The following ST7L variants were observed in gnomAD, a reference collection of about 807,000 sequenced individuals.
The protein encoded by ST7L is suppression of tumorigenicity 7 like.
A neutral mutation model predicts 72.5 loss-of-function variants in ST7L; 57 were observed. That is an observed-to-expected ratio of 0.79 (90% CI 0.64 to 0.98). The LOEUF is 0.98. Among genes scored for constraint, ST7L ranks in the 50% least tolerant of loss-of-function variants. ST7L has a pLI of 0.00. For missense variants in ST7L, 576 were observed against 672.2 expected (o/e 0.86, Z 1.58); for synonymous variants, 221 against 240.9 (o/e 0.92, Z 0.77).
At chr1:112,568,863 T>TATAAATAAATAA (rs562909633) in intron 11 of ST7L, among the ~76,000 whole-genome samples, 84 of 83,316 alleles carry the variant, frequency 1.0e-3, no homozygotes, top group Non-Finnish European at 1.8e-3. Flanking sequence ...TAAATATAAA[T>TATAAATAAATAA]ATATATATAT....
chr1:112,583,538 C>T (rs1428912388), intron 7 of ST7L, among the ~76,000 whole-genome samples: 1 of 152,136 alleles, frequency 6.6e-6, no homozygotes, highest in East Asian at 1.9e-4. Context: ...GGGGCCACTC[C>T]CTAGCACTAT....
chr1:112,533,332 T>A (rs959890997), intron 14 of ST7L, among the ~76,000 whole-genome samples: 2 of 152,052 alleles, frequency 1.3e-5, no homozygotes, highest in Non-Finnish European at 2.9e-5. Flanking sequence ...TTTTATTTTT[T>A]TTTTTGAGAT....
chr1:112,564,401 C>T (rs749897884), intron 11 of ST7L, among the ~76,000 whole-genome samples: 1 of 152,200 alleles, frequency 6.6e-6, no homozygotes, highest in Non-Finnish European at 1.5e-5. Flanking sequence ...CAGACTTCAA[C>T]ACTTCTCCTT....
downstream of ST7L, chr1:112,520,197 C>A (rs1652790310): frequency 2.2e-5 from 30 of 1,372,178 alleles, no homozygotes; most frequent in South Asian, 3.5e-4. Flanking sequence ...TTCTTTTTAT[C>A]TTCCTTCTGA....
chr1:112,616,877 G>A lies in ST7L; in HGVS notation c.224C>T (p.Ser75Leu). 5.0e-6 allele frequency: 8 copies of A among 1,605,454 alleles called. No individual in the cohort carries two copies. Among genetic ancestry groups the A allele is most frequent in the Non-Finnish European group, 6.8e-6 (8 of 1,177,108 alleles). ...NLAAVTVFLN[S>L]LTPKFYVALT... is the part of the protein sequence containing the mutation. ...TGCCACATAGAATTTGGGTGTCAAT[G>A]AATTTAAAAATACAGTCACTGTCAA... The change falls in exon 2 of 15, where the codon TCA becomes TTA. Residue 75 changes from serine (S) to leucine (L), a missense_variant. By Grantham distance (145) the Ser-to-Leu change is moderately radical. Coordinates refer to ENST00000358039, the MANE Select transcript of ST7L (RefSeq NM_017744.5).
At chr1:112,561,461 C>A (rs1218579196) in intron 11 of ST7L, among the ~76,000 whole-genome samples, 2 of 151,460 alleles carry the variant, frequency 1.3e-5, no homozygotes, top group Non-Finnish European at 2.9e-5. Flanking sequence ...TTTGCGCCTC[C>A]CTTCCTGTCT....
chr1:112,518,429 A>G, the ST7L span: 1 of 152,240 alleles, frequency 6.6e-6, no homozygotes, highest in African/African-American at 2.4e-5. Context: ...GGAAGAGTCA[A>G]GTGGCTTGGA....
intron 6 of ST7L, among the ~76,000 whole-genome samples, chr1:112,589,004 G>C (rs1040157358): frequency 1.3e-5 from 2 of 151,998 alleles, no homozygotes; most frequent in African/African-American, 2.4e-5. Context: ...TCTTGCTTCT[G>C]TCTGCTCAAA....
At chr1:112,591,427 T>G (rs1480373095) in intron 6 of ST7L, 98 bp downstream of exon 6, 1 of 948,462 alleles carries the variant, frequency 1.1e-6, no homozygotes, top group Non-Finnish European at 1.6e-6. Flanking sequence ...AAATGACTAA[T>G]GACTCCAAGT....
intron 14 of ST7L, among the ~76,000 whole-genome samples, chr1:112,534,625 C>A (rs1275207923): frequency 6.6e-6 from 1 of 152,046 alleles, no homozygotes; most frequent in Non-Finnish European, 1.5e-5. Context: ...AAAAACTATT[C>A]CTCAATATTA....
At chr1:112,571,051 T>C (rs1571090418) in intron 11 of ST7L, among the ~76,000 whole-genome samples, 1 of 152,082 alleles carries the variant, frequency 6.6e-6, no homozygotes, top group South Asian at 2.1e-4. Flanking sequence ...ATGCCTGCGG[T>C]CCCAGCCACT....
At chr1:112,591,351 A>G in intron 6 of ST7L, 174 bp downstream of exon 6, 1 of 566,732 alleles carries the variant, frequency 1.8e-6, no homozygotes, top group Non-Finnish European at 3.1e-6. Context: ...TTACAATTTC[A>G]GAAGCAAAAT....
At chr1:112,585,628 G>A (rs1484474758) in intron 6 of ST7L, among the ~76,000 whole-genome samples, 2 of 151,574 alleles carry the variant, frequency 1.3e-5, no homozygotes, top group African/African-American at 4.8e-5. Flanking sequence ...AGCTACTTGA[G>A]AGGCTGAGGC....
chr1:112,583,385 G>A (rs1296918179), intron 7 of ST7L, among the ~76,000 whole-genome samples: 1 of 152,132 alleles, frequency 6.6e-6, no homozygotes, highest in Non-Finnish European at 1.5e-5. Flanking sequence ...ATCATAACTG[G>A]TAGAGCATAT....
chr1:112,577,359 T>C (rs1323044693), intron 10 of ST7L, among the ~76,000 whole-genome samples: 1 of 150,744 alleles, frequency 6.6e-6, no homozygotes, highest in African/African-American at 2.4e-5. Context: ...AGAAACCCCG[T>C]CTCTACTACA....
At chr1:112,551,138 CTTTTTTTTTT>C in intron 12 of ST7L, among the ~76,000 whole-genome samples, 1 of 77,224 alleles carries the variant, frequency 1.3e-5, no homozygotes, top group African/African-American at 6.3e-5. Context: ...ATGAGCAGAT[CTTTTTTTTTT>C]TTTTTTTTTT....
At chr1:112,612,817 G>A (rs577862047) in intron 2 of ST7L, among the ~76,000 whole-genome samples, 1 of 152,100 alleles carries the variant, frequency 6.6e-6, no homozygotes, top group Non-Finnish European at 1.5e-5. Context: ...AATAAATCTT[G>A]GCTAAGAAAA....
At chr1:112,616,958 T>C in intron 1 of ST7L, 63 bp from the exon 2 acceptor site, 1 of 1,120,758 alleles carries the variant, frequency 8.9e-7, no homozygotes, top group East Asian at 2.4e-5. Context: ...AGGTTACAAA[T>C]ATGCAAGTAT....
At chr1:112,590,538 G>A (rs1665536531) in intron 6 of ST7L, among the ~76,000 whole-genome samples, 1 of 152,136 alleles carries the variant, frequency 6.6e-6, no homozygotes, top group African/African-American at 2.4e-5. Flanking sequence ...GTATATACTT[G>A]GGGGAGAAGG....
Sources: gnomAD v4.1 joint callset for allele counts (sites outside exome capture counted in the v4.1 genomes callset) on GRCh38, gnomAD v4.1.1 for gene constraint, MANE v1.5 for transcripts, NCBI Gene and HGNC (gene_info 2026-07-23, HGNC 2026-07-21) for gene names.